Variants in SCARA5 observed in about 807,000 individuals in gnomAD.
SCARA5 encodes the protein scavenger receptor class A member 5, also known as scavenger receptor class A, member 5 (putative).
A neutral mutation model predicts 46.3 loss-of-function variants in SCARA5; 45 were observed. The ratio of observed to expected loss-of-function variants is 0.97; its 90% CI spans 0.76 to 1.24. The LOEUF (loss-of-function observed/expected upper bound fraction) is 1.24. Ranked by LOEUF, SCARA5 falls within the 50% of genes most tolerant of loss-of-function variation. The probability of loss-of-function intolerance (pLI) is 0.00; values close to 1 mark genes in which losing one functional copy is unlikely to be tolerated. For synonymous variants in SCARA5, 333 were observed against 306.5 expected, an observed-to-expected ratio of 1.09 and a Z score of -0.90; for missense variants, 680 against 689.0, an observed-to-expected ratio of 0.99 and a Z score of 0.15.
chr8:27,891,824 A>T (rs1034537905), intron 7 of SCARA5, among the ~76,000 whole-genome samples: 1 of 152,200 alleles, frequency 6.6e-6, no homozygotes, highest in Non-Finnish European at 1.5e-5. Context: ...ACCTCTGTAC[A>T]CATCGAGGTG....
chr8:27,966,252 G>A (rs575192806), intron 3 of SCARA5, among the ~76,000 whole-genome samples, 162 bp downstream of exon 3: 15 of 152,244 alleles, frequency 9.9e-5, no homozygotes, highest in African/African-American at 1.4e-4. Flanking sequence ...CTACTCCCAC[G>A]CAAAACAAGC....
chr8:27,920,192 T>C (rs74741748), intron 4 of SCARA5, among the ~76,000 whole-genome samples: 8,871 of 152,106 alleles, frequency 0.058, 707 homozygotes, highest in African/African-American at 0.18. Flanking sequence ...ATAGTTAAGA[T>C]TACAAATGGA....
intron 3 of SCARA5, among the ~76,000 whole-genome samples, chr8:27,952,137 T>C (rs1427931718): frequency 3.3e-5 from 5 of 151,718 alleles, no homozygotes; most frequent in African/African-American, 9.7e-5. Context: ...TGGGTGTCGA[T>C]GGGAGCGCAG....
At chr8:27,924,354 T>C (rs1807648320) in intron 3 of SCARA5, among the ~76,000 whole-genome samples, 2 of 152,218 alleles carry the variant, frequency 1.3e-5, no homozygotes, top group South Asian at 4.1e-4. Flanking sequence ...AGGAGGGATA[T>C]AGGTTGTGAG....
At chr8:27,901,542 C>G (rs1015688051) in intron 7 of SCARA5, among the ~76,000 whole-genome samples, 1 of 152,268 alleles carries the variant, frequency 6.6e-6, no homozygotes, top group Non-Finnish European at 1.5e-5. Context: ...AGCCTTGGCT[C>G]TCCCCCACAG....
intron 3 of SCARA5, among the ~76,000 whole-genome samples, chr8:27,936,120 T>C (rs1385208909): frequency 6.6e-6 from 1 of 152,014 alleles, no homozygotes; most frequent in Non-Finnish European, 1.5e-5. Flanking sequence ...GGAGACCCCT[T>C]TGAGAAAGAA....
intron 8 of SCARA5, among the ~76,000 whole-genome samples, chr8:27,872,493 T>C (rs1806655264): frequency 6.6e-6 from 1 of 152,232 alleles, no homozygotes; most frequent in African/African-American, 2.4e-5. Flanking sequence ...CTTGAACATA[T>C]TTTTGTTACG....
chr8:27,879,529 A>G, intron 8 of SCARA5, 40 bp downstream of exon 8: 2 of 1,571,822 alleles, frequency 1.3e-6, no homozygotes, highest in Non-Finnish European at 1.7e-6. Context: ...TAGGATGTGC[A>G]GGCCCTCTCC....
At chr8:27,902,317 C>T (rs1807168389) in intron 7 of SCARA5, among the ~76,000 whole-genome samples, 1 of 152,132 alleles carries the variant, frequency 6.6e-6, no homozygotes, top group Non-Finnish European at 1.5e-5. Flanking sequence ...GTGGCCTCCC[C>T]CCACGCCTCC....
In SCARA5 at chr8:27,992,026, C is replaced by T. The variant is rs149075526; in HGVS notation, c.-16+231G>A. On this transcript the variant is annotated intron_variant, in intron 1 of 8. Coordinates refer to ENST00000354914, the MANE Select transcript of SCARA5 (RefSeq NM_173833.6). ...CAAGGCAATAGCTTCCCTCTGGCACCCCAAATGCAGGCTCACATTCTCTCC... is the reference window on the plus strand; with the variant it reads ...CAAGGCAATAGCTTCCCTCTGGCACTCCAAATGCAGGCTCACATTCTCTCC... 6.8e-3 allele frequency among the ~76,000 whole-genome samples: 1,029 copies of T among 152,290 alleles called. 12 individuals are homozygous for T. Among genetic ancestry groups the T allele is most frequent in the African/African-American group, 0.024 (978 of 41,562 alleles).
chr8:27,909,797 C>A (rs1466106844), intron 4 of SCARA5, 54 bp from the exon 5 acceptor site: 3 of 1,246,936 alleles, frequency 2.4e-6, no homozygotes, highest in Admixed American at 2.0e-5. Flanking sequence ...GAAACAGGAC[C>A]AGGTCATCTG....
At chr8:27,879,067 G>A (rs1415386387) in intron 8 of SCARA5, among the ~76,000 whole-genome samples, 1 of 152,136 alleles carries the variant, frequency 6.6e-6, no homozygotes, top group African/African-American at 2.4e-5. Context: ...CTAGATGACA[G>A]AACAAGATCC....
At chr8:27,989,212 T>G (rs932603348) in intron 1 of SCARA5, among the ~76,000 whole-genome samples, 1 of 138,392 alleles carries the variant, frequency 7.2e-6, no homozygotes, top group Non-Finnish European at 1.5e-5. Context: ...CTTGGCTCAC[T>G]GCAACCTCCG....
rs146315783 is a variant in SCARA5, at chr8:27,891,484, G to A, written c.1154-11718C>T. ...CTCCCAAAGTGCTGGGATTACAGGC[G>A]TGAGACACTGCGCCCAGCCTACTAA... On this transcript the variant is annotated intron_variant, in intron 7 of 8. Transcript: ENST00000354914. Among the ~76,000 whole-genome samples, 288 of 152,294 alleles carry A rather than the reference G, an allele frequency of 1.9e-3. 3 individuals are homozygous for A. Among genetic ancestry groups the A allele is most frequent in the African/African-American group, 6.6e-3 (274 of 41,574 alleles).
chr8:27,924,239 C>G (rs1226842004), intron 3 of SCARA5, among the ~76,000 whole-genome samples: 1 of 152,202 alleles, frequency 6.6e-6, no homozygotes, highest in Non-Finnish European at 1.5e-5. Flanking sequence ...GAACAAATTC[C>G]ACCTTGAAAA....
At chr8:27,879,850 CT>C (rs1806784290) in intron 7 of SCARA5, 84 bp from the exon 8 acceptor site, 1 of 1,343,042 alleles carries the variant, frequency 7.4e-7, no homozygotes, top group Non-Finnish European at 1.0e-6. Context: ...CCGCCTACCC[CT>C]GGGTAGGAGG....
intron 2 of SCARA5, among the ~76,000 whole-genome samples, chr8:27,968,695 C>G (rs1808405099): frequency 6.6e-6 from 1 of 152,208 alleles, no homozygotes; most frequent in South Asian, 2.1e-4. Flanking sequence ...GCCCTGCTGT[C>G]TCCTTAGCCT....
intron 3 of SCARA5, among the ~76,000 whole-genome samples, chr8:27,950,723 C>T (rs572277770): frequency 6.6e-6 from 1 of 152,204 alleles, no homozygotes; most frequent in Admixed American, 6.5e-5. Flanking sequence ...AGGGCAGGTG[C>T]CTTGGTCTCA....
At chr8:27,938,023 G>C (rs1807884787) in intron 3 of SCARA5, among the ~76,000 whole-genome samples, 1 of 152,172 alleles carries the variant, frequency 6.6e-6, no homozygotes, top group African/African-American at 2.4e-5. Flanking sequence ...GGTTAGGGAG[G>C]GCTCTTCCTA....
Sources: gnomAD v4.1 joint callset for allele counts (sites outside exome capture counted in the v4.1 genomes callset) on GRCh38, gnomAD v4.1.1 for gene constraint, MANE v1.5 for transcripts, NCBI Gene and HGNC (gene_info 2026-07-23, HGNC 2026-07-21) for gene names.